Variants in BBS1 observed in about 807,000 individuals in gnomAD.
The protein encoded by BBS1 is BBSome complex member BBS1.
BBS1 carries 60 observed loss-of-function variants against 73.9 expected under a neutral mutation model. The observed-to-expected ratio is 0.81, with a 90% CI of 0.66 to 1.01. The LOEUF (loss-of-function observed/expected upper bound fraction) is 1.01. Ranked by LOEUF, BBS1 falls within the 50% of genes least tolerant of loss-of-function variation. The pLI is 0.00. For missense variants in BBS1, 718 were observed against 770.3 expected (o/e 0.93, Z 0.80); for synonymous variants, 283 against 317.4 (o/e 0.89, Z 1.15).
chr11:66,531,819 C>G (rs775322610), intron 16 of BBS1, 77 bp downstream of exon 16: 1 of 1,612,796 alleles, frequency 6.2e-7, no homozygotes, highest in Non-Finnish European at 8.5e-7. Context: ...CCAACAAAGA[C>G]CTTAGGGGGC....
In BBS1 at chr11:66,517,962, C is replaced by CT. The variant is rs543068799; in HGVS notation, c.592-1643dup. Among the ~76,000 whole-genome samples, 1,034 of 136,098 alleles carry CT rather than the reference C, an allele frequency of 7.6e-3. 44 individuals are homozygous for CT. The East Asian group carries it at 0.13, about 17-fold the overall frequency. The allele number at this position is 136,098 out of a possible 152,430, so 89.3% of individuals were successfully genotyped here. On this transcript the variant is annotated intron_variant, in intron 7 of 16. Transcript: ENST00000318312. ...CTAACGTCACTTTTTTTTTTCTTTT[C>CT]TTTTTTTTTTTTGAGATGGAGTTTT...
intron 11 of BBS1, 30 bp from the exon 12 acceptor site, chr11:66,526,093 C>T (rs1026584123): frequency 1.2e-6 from 2 of 1,611,602 alleles, no homozygotes; most frequent in African/African-American, 1.3e-5. Flanking sequence ...CAAGATATTT[C>T]CCCAACTAAA....
At chr11:66,525,199 C>CA (rs1202954773) in intron 11 of BBS1, among the ~76,000 whole-genome samples, 3,614 of 83,346 alleles carry the variant, frequency 0.043, 208 homozygotes, top group East Asian at 0.17. Flanking sequence ...GACTCCATCT[C>CA]AAAAAAAAAA....
At chr11:66,522,971 A>G (rs1856307618) in intron 9 of BBS1, 1 of 361,824 alleles carries the variant, frequency 2.8e-6, no homozygotes, top group Non-Finnish European at 5.4e-6. Context: ...TGGGAAAGAC[A>G]TTGGCGTGTG....
chr11:66,511,119 T>C (rs1363913985), intron 2 of BBS1, 30 bp downstream of exon 2: 1 of 1,613,922 alleles, frequency 6.2e-7, no homozygotes, highest in Admixed American at 1.7e-5. Flanking sequence ...AACCCTGGGT[T>C]CTAGTGGGAT....
intron 7 of BBS1, among the ~76,000 whole-genome samples, chr11:66,516,576 G>T (rs1457103112): frequency 6.7e-6 from 1 of 149,590 alleles, no homozygotes; most frequent in African/African-American, 2.5e-5. Flanking sequence ...TAGGGAGCTG[G>T]GTCTTCCTCC....
At chr11:66,521,195 CAG>C in intron 8 of BBS1, 73 bp from the exon 9 acceptor site, 1 of 1,097,868 alleles carries the variant, frequency 9.1e-7, no homozygotes, top group Non-Finnish European at 1.4e-6. Context: ...GGCACTCACT[CAG>C]AGGAGTTACT....
intron 7 of BBS1, 65 bp from the exon 8 acceptor site, chr11:66,519,552 T>C: frequency 6.2e-7 from 1 of 1,609,360 alleles, no homozygotes; most frequent in Non-Finnish European, 8.5e-7. Flanking sequence ...TCATGTGGCA[T>C]TCTGGGAGTA....
rs1029655411 is a variant in BBS1 at position 66,527,137 on chromosome 11, C to CAG, written c.1339+333_1339+334dup. 3.2e-5 allele frequency: 29 copies of CAG among 906,732 alleles called. No homozygotes were observed. In the African/African-American group the frequency reaches 4.1e-4, roughly 13 times the overall value. The allele number at this position is 906,732 out of a possible 1,614,324, so 56.2% of individuals were successfully genotyped here. Reference sequence around the variant, plus strand: ...CACGCCTGTAATCCCAACACTTTGGCAGAGGTGGGAGGACAGCATGAGCCC... The same window carrying CAG: ...CACGCCTGTAATCCCAACACTTTGGCAGAGAGGTGGGAGGACAGCATGAGCCC... On this transcript the variant is annotated intron_variant, in intron 13 of 16. Coordinates refer to ENST00000318312, the MANE Select transcript of BBS1 (RefSeq NM_024649.5).
Position 66,531,035 on chromosome 11 carries a change from G to T in BBS1, c.1608+7G>T, listed in dbSNP as rs776545195. 3 of 1,614,058 alleles carry T rather than the reference G, an allele frequency of 1.9e-6. No homozygotes were observed. Among genetic ancestry groups the T allele is most frequent in the Non-Finnish European group, 1.7e-6 (2 of 1,180,026 alleles). ...GCCCCGGGCCTTCTTCAAGGTACTG[G>T]ATGCTCCTCACTTAGATATGGAGTG... On this transcript the variant is annotated splice_region_variant and intron_variant, in intron 15 of 16. Coordinates refer to ENST00000318312, the MANE Select transcript of BBS1 (RefSeq NM_024649.5).
intron 12 of BBS1, 36 bp from the exon 13 acceptor site, chr11:66,526,613 G>A (rs756709192): frequency 5.0e-6 from 8 of 1,613,966 alleles, no homozygotes; most frequent in Non-Finnish European, 6.8e-6. Flanking sequence ...GTAGAACTGG[G>A]GAGGACAAAT....
rs1245952031 is a variant in BBS1, at chr11:66,523,774, C to T, written c.1002C>T (p.Asn334=). 1 of 1,613,258 alleles carries T rather than the reference C, an allele frequency of 6.2e-7. No individual in the cohort carries two copies. The highest frequency in any genetic ancestry group is 8.5e-7 in the Non-Finnish European group (1 of 1,180,026). ...TGCCCGCAGCCATCCTGACCATGAACCTCCTGGAGCAGCATTCCCGGGGCC... is the reference window on the plus strand; with the variant it reads ...TGCCCGCAGCCATCCTGACCATGAATCTCCTGGAGCAGCATTCCCGGGGCC... ...VQMPAAILTM[N]LLEQHSRGLQ... Residue 334 remains asparagine, a synonymous_variant, in exon 11 of 17, where the codon AAC becomes AAT. Coordinates refer to ENST00000318312, the MANE Select transcript of BBS1 (RefSeq NM_024649.5).
chr11:66,531,128 G>C (rs1348538497), intron 15 of BBS1, 100 bp downstream of exon 15: 2 of 1,514,016 alleles, frequency 1.3e-6, no homozygotes, highest in Non-Finnish European at 1.8e-6. Flanking sequence ...CAGAGCGTGC[G>C]GGTGGCTGCC....
chr11:66,530,093 TG>T, intron 14 of BBS1, 141 bp downstream of exon 14: 1 of 1,233,734 alleles, frequency 8.1e-7, no homozygotes, highest in Non-Finnish European at 1.1e-6. Flanking sequence ...CCCGCAGACC[TG>T]GGGACCGAGT....
intron 8 of BBS1, chr11:66,520,863 G>C: frequency 3.1e-6 from 1 of 317,828 alleles, no homozygotes. Flanking sequence ...CTTCTCATCT[G>C]TGGGACCACC....
At chr11:66,526,030 C>T (rs1054492521) in intron 11 of BBS1, 93 bp from the exon 12 acceptor site, 3 of 1,093,450 alleles carry the variant, frequency 2.7e-6, no homozygotes, top group East Asian at 2.4e-5. Flanking sequence ...TATCACTTCT[C>T]ACCTATTATA....
At chr11:66,517,947 T>A (rs1252598309) in intron 7 of BBS1, among the ~76,000 whole-genome samples, 1 of 87,266 alleles carries the variant, frequency 1.1e-5, no homozygotes, top group African/African-American at 3.9e-5. Context: ...CTAACGTCAC[T>A]TTTTTTTTTC....
At chr11:66,512,775 C>T (rs554425595) in intron 3 of BBS1, among the ~76,000 whole-genome samples, 16 of 152,034 alleles carry the variant, frequency 1.1e-4, no homozygotes, top group African/African-American at 3.9e-4. Context: ...AGTTTGAGAC[C>T]AGCCTGGACA....
intron 9 of BBS1, 162 bp from the exon 10 acceptor site, chr11:66,523,294 A>AC: frequency 1.0e-6 from 1 of 977,822 alleles, no homozygotes; most frequent in Non-Finnish European, 1.6e-6. Flanking sequence ...TTCCAAGGCC[A>AC]CACATTTACT....
Sources: allele counts gnomAD v4.1 joint callset (sites outside exome capture counted in the v4.1 genomes callset), GRCh38; gene constraint gnomAD v4.1.1; transcripts MANE v1.5; gene names NCBI Gene and HGNC (gene_info 2026-07-23, HGNC 2026-07-21).